FMN2: variants seen among roughly 807,000 people sequenced by gnomAD.
FMN2 encodes formin 2, also known as formin-2.
FMN2 carries 51 observed loss-of-function variants against 142.3 expected under a neutral mutation model. The ratio of observed to expected loss-of-function variants is 0.36; its 90% CI spans 0.29 to 0.45. The LOEUF (loss-of-function observed/expected upper bound fraction) is 0.45, where lower values mean the gene tolerates loss of function less well. Ranked by LOEUF, FMN2 falls within the 20% of genes least tolerant of loss-of-function variation. The probability of loss-of-function intolerance (pLI) is 1.00; values close to 1 mark genes in which losing one functional copy is unlikely to be tolerated. For missense variants in FMN2, 1,936 were observed against 2,122.8 expected (o/e 0.91, Z 1.73); for synonymous variants, 882 against 869.8 (o/e 1.01, Z -0.25).
At chr1:240,364,471 A>G (rs1672595710) in intron 14 of FMN2, among the ~76,000 whole-genome samples, 1 of 152,160 alleles carries the variant, frequency 6.6e-6, no homozygotes, top group South Asian at 2.1e-4. Flanking sequence ...GTAGTGACAA[A>G]TGATGATTCC....
intron 1 of FMN2, among the ~76,000 whole-genome samples, chr1:240,122,112 GGCA>G (rs879285137): frequency 0.3 from 45,233 of 150,664 alleles, 7,010 homozygotes; most frequent in Middle Eastern, 0.35. Context: ...TTTTGAGACA[GGCA>G]ACACTCTTGT....
At chr1:240,321,535 AAAAT>A (rs771067473) in intron 8 of FMN2, among the ~76,000 whole-genome samples, 2 of 152,232 alleles carry the variant, frequency 1.3e-5, no homozygotes, top group African/African-American at 2.4e-5. Flanking sequence ...TGCAAGATAG[AAAAT>A]AAATTTTTAT....
At chr1:240,209,281 C>T (rs984076714) in intron 5 of FMN2, among the ~76,000 whole-genome samples, 20 of 149,876 alleles carry the variant, frequency 1.3e-4, no homozygotes, top group Non-Finnish European at 2.7e-4. Context: ...GACGGAGTCT[C>T]GCTCTGTCAC....
At chr1:240,120,923 T>TG (rs1173189060) in intron 1 of FMN2, among the ~76,000 whole-genome samples, 3 of 152,174 alleles carry the variant, frequency 2.0e-5, no homozygotes, top group African/African-American at 7.2e-5. Context: ...TTCGGGAGGC[T>TG]GAGGTAGGCA....
At chr1:240,388,488 A>T (rs1377468561) in intron 14 of FMN2, among the ~76,000 whole-genome samples, 1 of 152,032 alleles carries the variant, frequency 6.6e-6, no homozygotes, top group Non-Finnish European at 1.5e-5. Flanking sequence ...GCAAAGTATA[A>T]GCATTTACAA....
chr1:240,144,089 C>G (rs2355833), intron 2 of FMN2: 754,185 of 1,106,552 alleles, frequency 0.68, 260,782 homozygotes, highest in African/African-American at 0.88. Flanking sequence ...CAGGTTACTT[C>G]TCAATCTGAA....
At chr1:240,142,475 A>ATT (rs1663224815) in intron 2 of FMN2, among the ~76,000 whole-genome samples, 1 of 146,162 alleles carries the variant, frequency 6.8e-6, no homozygotes, top group East Asian at 2.0e-4. Flanking sequence ...AAACCTTTTC[A>ATT]TATTTATTTA....
intron 14 of FMN2, among the ~76,000 whole-genome samples, chr1:240,359,406 A>G (rs939712804): frequency 1.3e-5 from 2 of 152,210 alleles, no homozygotes; most frequent in African/African-American, 4.8e-5. Flanking sequence ...CAAAATATAA[A>G]ATCTCTTGAA....
At chr1:240,216,496 G>T (rs1251449428) in intron 6 of FMN2, among the ~76,000 whole-genome samples, 1 of 152,086 alleles carries the variant, frequency 6.6e-6, no homozygotes, top group Non-Finnish European at 1.5e-5. Context: ...CCCAGAGAAT[G>T]GGAGAAAAAG....
At chr1:240,124,587 A>G (rs1403979385) in intron 2 of FMN2, among the ~76,000 whole-genome samples, 1 of 152,150 alleles carries the variant, frequency 6.6e-6, no homozygotes, top group Non-Finnish European at 1.5e-5. Context: ...ATGTGTAAGA[A>G]TTCTCGTGGA....
intron 2 of FMN2, among the ~76,000 whole-genome samples, chr1:240,139,265 A>G (rs1038329374): frequency 3.0e-5 from 3 of 99,828 alleles, no homozygotes; most frequent in Non-Finnish European, 4.2e-5. Context: ...GGGTGATGCA[A>G]TTCACACTGT....
At chr1:240,456,727 A>G (rs1385527236) in intron 16 of FMN2, among the ~76,000 whole-genome samples, 1 of 152,206 alleles carries the variant, frequency 6.6e-6, no homozygotes, top group African/African-American at 2.4e-5. Context: ...AAGTGCTGGA[A>G]TCGTAGGCGT....
At chr1:240,470,216 A>AAAC (rs1553268783) in intron 16 of FMN2, among the ~76,000 whole-genome samples, 5 of 151,158 alleles carry the variant, frequency 3.3e-5, no homozygotes, top group Admixed American at 6.6e-5. Flanking sequence ...TGAAAAAAAA[A>AAAC]AAAAAAACAG....
At chr1:240,136,616 A>G (rs1420712771) in intron 2 of FMN2, among the ~76,000 whole-genome samples, 5 of 152,146 alleles carry the variant, frequency 3.3e-5, no homozygotes, top group African/African-American at 4.8e-5. Flanking sequence ...AATTTGTATG[A>G]TGGACTTTTA....
chr1:240,317,279 G>A (rs1208497275), intron 8 of FMN2, among the ~76,000 whole-genome samples: 2 of 151,138 alleles, frequency 1.3e-5, no homozygotes, highest in East Asian at 2.0e-4. Context: ...TCATGCCACT[G>A]CACTCCAGCC....
intron 11 of FMN2, among the ~76,000 whole-genome samples, chr1:240,332,582 T>A (rs1671416973): frequency 6.6e-6 from 1 of 152,204 alleles, no homozygotes; most frequent in Non-Finnish European, 1.5e-5. Context: ...TCAGTTTATA[T>A]ATCTTATTCA....
rs139910365 is a variant in FMN2 at position 240,182,291 on chromosome 1, G to A, written c.1930+4223G>A. Reference sequence around the variant, plus strand: ...TGTGAATAGGGACTTGATCATTGTCGTTTCCTCTGTGGAAAATTAAATCCC... The same window carrying A: ...TGTGAATAGGGACTTGATCATTGTCATTTCCTCTGTGGAAAATTAAATCCC... On this transcript the variant is annotated intron_variant, in intron 3 of 17. Transcript: ENST00000319653. Among the ~76,000 whole-genome samples the A allele has an allele frequency of 2.6e-4, 40 of 151,696 alleles. 1 individual carries two copies. In the East Asian group the frequency reaches 7.0e-3, roughly 27 times the overall value.
At chr1:240,334,409 G>A (rs924746401) in intron 13 of FMN2, among the ~76,000 whole-genome samples, 180 bp downstream of exon 13, 1 of 152,128 alleles carries the variant, frequency 6.6e-6, no homozygotes, top group African/African-American at 2.4e-5. Context: ...AAAAAGTTAT[G>A]TGTATCAAAA....
chr1:240,251,056 G>A (rs1177268884), intron 6 of FMN2, among the ~76,000 whole-genome samples: 1 of 151,426 alleles, frequency 6.6e-6, no homozygotes, highest in East Asian at 1.9e-4. Flanking sequence ...TTGATTCTTT[G>A]TGGGTTTTTT....
Sources: allele counts gnomAD v4.1 joint callset (sites outside exome capture counted in the v4.1 genomes callset), GRCh38; gene constraint gnomAD v4.1.1; transcripts MANE v1.5; gene names NCBI Gene and HGNC (gene_info 2026-07-23, HGNC 2026-07-21).